Variants in GREM2 observed in about 807,000 individuals in gnomAD.
GREM2 encodes the protein gremlin 2, DAN family BMP antagonist.
GREM2 carries 11 observed loss-of-function variants against 14.2 expected under a neutral mutation model. The ratio of observed to expected loss-of-function variants is 0.78; its 90% CI spans 0.49 to 1.28. The LOEUF is 1.28. GREM2 is among the 50% of genes most tolerant of loss of function. GREM2 has a pLI of 0.00. For synonymous variants in GREM2, 98 were observed against 97.6 expected (o/e 1.00, Z -0.02); for missense variants, 210 against 218.5 (o/e 0.96, Z 0.24).
intron 1 of GREM2, among the ~76,000 whole-genome samples, chr1:240,586,802 C>T (rs886784600): frequency 1.3e-5 from 2 of 152,134 alleles, no homozygotes; most frequent in South Asian, 2.1e-4. Context: ...TTTACCCAAC[C>T]TCTACTTAAG....
chr1:240,603,075 C>T lies in GREM2; in HGVS notation c.-2+8809G>A, dbSNP rs974495798. Reference sequence around the variant, plus strand: ...GTGACAGAGCTGCGACAGAGCGAGACTCGTCTCAAAAAAAAATAAAATAGA... The same window carrying T: ...GTGACAGAGCTGCGACAGAGCGAGATTCGTCTCAAAAAAAAATAAAATAGA... On this transcript the variant is annotated intron_variant, in intron 1 of 1. Coordinates refer to ENST00000318160, the MANE Select transcript of GREM2 (RefSeq NM_022469.4). 4.0e-5 allele frequency among the ~76,000 whole-genome samples: 6 copies of T among 151,894 alleles called. No individual in the cohort carries two copies. In the South Asian group the frequency reaches 8.3e-4, roughly 21 times the overall value.
In GREM2 at chr1:240,491,646, A is replaced by G. The variant is rs1322809027; in HGVS notation, c.*1323T>C. The G allele has an allele frequency of 6.6e-6, 1 of 152,640 alleles. No homozygotes were observed. The highest frequency in any genetic ancestry group is 1.5e-5 in the Non-Finnish European group (1 of 68,042). 9.5% of individuals were successfully genotyped at this position (152,640 alleles called of 1,614,324 possible). On this transcript the variant is annotated 3_prime_UTR_variant, in exon 2 of 2. Coordinates refer to ENST00000318160, the MANE Select transcript of GREM2 (RefSeq NM_022469.4). ...AACAGTTCAACTAGATTACTATTCTATATCTTTTATTCCTTACTCCCTTCT... is the reference window on the plus strand; with the variant it reads ...AACAGTTCAACTAGATTACTATTCTGTATCTTTTATTCCTTACTCCCTTCT...
At chr1:240,509,557 G>A (rs1034945406) in intron 1 of GREM2, among the ~76,000 whole-genome samples, 4 of 151,762 alleles carry the variant, frequency 2.6e-5, no homozygotes, top group African/African-American at 7.3e-5. Flanking sequence ...TAGTAGAGAC[G>A]GGGTTTCTCC....
At chr1:240,504,078 T>C (rs1010645122) in intron 1 of GREM2, among the ~76,000 whole-genome samples, 1 of 152,216 alleles carries the variant, frequency 6.6e-6, no homozygotes, top group African/African-American at 2.4e-5. Flanking sequence ...GCTTAACTTC[T>C]CAATAGGAGT....
chr1:240,534,178 G>T (rs909534347), intron 1 of GREM2, among the ~76,000 whole-genome samples: 2 of 152,124 alleles, frequency 1.3e-5, no homozygotes, highest in Admixed American at 6.5e-5. Context: ...AGGAAGAGAG[G>T]TGTGAGGCAT....
chr1:240,506,278 C>T (rs1677674822), intron 1 of GREM2, among the ~76,000 whole-genome samples: 1 of 152,132 alleles, frequency 6.6e-6, no homozygotes, highest in South Asian at 2.1e-4. Context: ...TAGTCACTCA[C>T]TCAAGTCTCT....
chr1:240,540,230 C>A lies in GREM2; in HGVS notation c.-1-46754G>T, dbSNP rs1025430897. Among the ~76,000 whole-genome samples, 3 of 152,184 alleles carry A rather than the reference C, an allele frequency of 2.0e-5. No individual in the cohort carries two copies. Among genetic ancestry groups the A allele is most frequent in the African/African-American group, 7.2e-5 (3 of 41,458 alleles). On this transcript the variant is annotated intron_variant, in intron 1 of 1. Coordinates refer to ENST00000318160, the MANE Select transcript of GREM2 (RefSeq NM_022469.4). This position sits in a 1 kb window ranked among gnomAD's most constrained non-coding sequence, Gnocchi z 4.2. ...TGAGTGAGGGTCCGTAATGACAGAG[C>A]CTCCTACACAGCACATTTGCTAGCT...
At chr1:240,598,246 G>T (rs890340964) in intron 1 of GREM2, among the ~76,000 whole-genome samples, 1 of 152,158 alleles carries the variant, frequency 6.6e-6, no homozygotes, top group Non-Finnish European at 1.5e-5. Flanking sequence ...AGGGACTTTT[G>T]GTAGCCAAAC....
intron 1 of GREM2, among the ~76,000 whole-genome samples, chr1:240,582,217 C>T (rs1267889375): frequency 1.3e-5 from 2 of 152,316 alleles, no homozygotes; most frequent in East Asian, 3.9e-4. Context: ...GCGGGTGGAT[C>T]ACAAGGTCAA....
chr1:240,535,981 C>A (rs947173052), intron 1 of GREM2, among the ~76,000 whole-genome samples: 1 of 152,010 alleles, frequency 6.6e-6, no homozygotes, highest in Non-Finnish European at 1.5e-5. Context: ...CTGAAGTGAG[C>A]CCTCTGAGTT....
chr1:240,531,599 G>A (rs1678361112), intron 1 of GREM2: 1 of 963,058 alleles, frequency 1.0e-6, no homozygotes, highest in South Asian at 4.8e-5. Flanking sequence ...GAGTTGGTGT[G>A]TGGTTATGTG....
chr1:240,513,708 C>T (rs372661206), intron 1 of GREM2, among the ~76,000 whole-genome samples: 9 of 151,948 alleles, frequency 5.9e-5, no homozygotes, highest in Admixed American at 5.9e-4. Context: ...TCTTATGGAC[C>T]GTGATAAATG....
chr1:240,497,655 T>C lies in GREM2; in HGVS notation c.-1-4179A>G, dbSNP rs141516440. Among the ~76,000 whole-genome samples, 31 of 151,918 alleles carry C rather than the reference T, an allele frequency of 2.0e-4. No homozygotes were observed. In the East Asian group the frequency reaches 4.6e-3, roughly 23 times the overall value. On this transcript the variant is annotated intron_variant, in intron 1 of 1. Coordinates refer to ENST00000318160, the MANE Select transcript of GREM2 (RefSeq NM_022469.4). ...AGCAGAAAGGAGAAAAAAAAAGTTT[T>C]TTTTTTTTTGCAAAAACATTTTGTC...
chr1:240,544,498 C>T (rs1415837828), intron 1 of GREM2, among the ~76,000 whole-genome samples: 1 of 152,122 alleles, frequency 6.6e-6, no homozygotes, highest in East Asian at 1.9e-4. Context: ...ATTTTGGTAT[C>T]ATTGAGAGAT....
At chr1:240,533,765 T>C (rs1233593600) in intron 1 of GREM2, among the ~76,000 whole-genome samples, 1 of 152,208 alleles carries the variant, frequency 6.6e-6, no homozygotes, top group African/African-American at 2.4e-5. Flanking sequence ...GAGATACCAT[T>C]GGCTGTGCCT....
intron 1 of GREM2, among the ~76,000 whole-genome samples, chr1:240,511,589 A>G (rs1393439823): frequency 1.3e-5 from 2 of 152,164 alleles, no homozygotes; most frequent in Non-Finnish European, 1.5e-5. Context: ...CGTCACTACT[A>G]AAAATACAAA....
At chr1:240,494,107 AGTT>A (rs1336116726) in intron 1 of GREM2, among the ~76,000 whole-genome samples, 4 of 152,270 alleles carry the variant, frequency 2.6e-5, no homozygotes, top group Admixed American at 2.6e-4. Context: ...TACCAATAAT[AGTT>A]AATACTCAAT....
chr1:240,513,575 CAAAA>C (rs5782148), intron 1 of GREM2, among the ~76,000 whole-genome samples: 9 of 110,938 alleles, frequency 8.1e-5, no homozygotes, highest in Admixed American at 3.9e-4. Flanking sequence ...ACTCCATCTA[CAAAA>C]AAAAAAAAAA....
At chr1:240,580,749 T>A (rs1425067632) in intron 1 of GREM2, among the ~76,000 whole-genome samples, 1 of 152,080 alleles carries the variant, frequency 6.6e-6, no homozygotes, top group Non-Finnish European at 1.5e-5. Context: ...TATTTTAAAT[T>A]TTTTGAAGAG....
Sources: gnomAD v4.1 joint callset for allele counts (sites outside exome capture counted in the v4.1 genomes callset) on GRCh38, gnomAD v4.1.1 for gene constraint, Gnocchi (gnomAD v3.1) non-coding constraint, MANE v1.5 for transcripts, NCBI Gene and HGNC (gene_info 2026-07-23, HGNC 2026-07-21) for gene names.